Variants in IQANK1 observed in about 807,000 individuals in gnomAD.
IQANK1 encodes IQ motif and ankyrin repeat containing 1.
IQANK1 carries 30 observed loss-of-function variants against 22.6 expected under a neutral mutation model. The observed-to-expected ratio is 1.33, with a 90% CI of 0.99 to 1.80. IQANK1 has a LOEUF of 1.80. Ranked by LOEUF, IQANK1 falls within the 40% of genes most tolerant of loss-of-function variation. IQANK1 has a pLI of 0.00. For synonymous variants in IQANK1, 122 were observed against 99.6 expected, an observed-to-expected ratio of 1.23 and a Z score of -1.34; for missense variants, 275 against 235.2, an observed-to-expected ratio of 1.17 and a Z score of -1.11.
rs1554626222 is a variant in IQANK1 at position 143,739,915 on chromosome 8, C to A, written c.142C>A (p.Pro48Thr). The part of the protein sequence containing the change: ...QRKAGWQARE[P>T]ASAESPQAPT... The stretch of plus-strand genomic sequence containing the variant: ...GAAAGCGGGCTGGCAGGCGAGGGAG[C>A]CCGCGTCGGCTGAGAGCCCACAGGC... Residue 48 changes from proline to threonine, a missense_variant, in exon 3 of 14, where the codon CCC becomes ACC. Physicochemically the swap from Pro to Thr is conservative, Grantham distance 38 (BLOSUM62 -1). Coordinates refer to ENST00000527139, the MANE Select transcript of IQANK1 (RefSeq NM_001381874.1). The A allele has an allele frequency of 1.4e-6, 1 of 699,356 alleles. No individual in the cohort carries two copies. Among genetic ancestry groups the A allele is most frequent in the Admixed American group, 2.0e-5 (1 of 49,688 alleles). The allele number at this position is 699,356 out of a possible 1,614,324, so 43.3% of individuals were successfully genotyped here. A position where few individuals can be genotyped will look rare whatever the true frequency, so the allele number is the denominator to read the frequency against.
At chr8:143,785,725 ATTTTTTT>A (rs56864621) in intron 7 of IQANK1, among the ~76,000 whole-genome samples, 59 of 133,262 alleles carry the variant, frequency 4.4e-4, no homozygotes, top group Non-Finnish European at 7.6e-4. Flanking sequence ...ATGCCCAGCT[ATTTTTTT>A]TTTTTTTTCT....
chr8:143,751,664 G>A (rs56034531), intron 3 of IQANK1, among the ~76,000 whole-genome samples: 33,667 of 61,206 alleles, frequency 0.55, 10,716 homozygotes, highest in African/African-American at 0.69. Context: ...GTGTGTGTGT[G>A]TATATATATA....
intron 7 of IQANK1, among the ~76,000 whole-genome samples, chr8:143,786,668 A>C (rs782783629): frequency 6.6e-6 from 1 of 152,228 alleles, no homozygotes; most frequent in African/African-American, 2.4e-5. Flanking sequence ...GAACAAAACA[A>C]AGTCCCTTCT....
At chr8:143,789,562 C>T (rs941270895) in intron 10 of IQANK1, 34 bp downstream of exon 10, 52 of 1,231,910 alleles carry the variant, frequency 4.2e-5, no homozygotes, top group East Asian at 6.3e-5. Context: ...TATGCCCCTG[C>T]GTCCTCAACA....
At chr8:143,783,988 C>G (rs551570136) in intron 7 of IQANK1, among the ~76,000 whole-genome samples, 1 of 152,156 alleles carries the variant, frequency 6.6e-6, no homozygotes, top group Non-Finnish European at 1.5e-5. Context: ...TATAACAAGT[C>G]TTGTACCAGA....
intron 7 of IQANK1, among the ~76,000 whole-genome samples, chr8:143,785,929 G>A (rs547246097): frequency 2.0e-5 from 3 of 152,150 alleles, no homozygotes; most frequent in Admixed American, 6.5e-5. Flanking sequence ...GTTTCACCAC[G>A]TTGGCCAGGC....
chr8:143,751,660 G>GTATATA lies in IQANK1; in HGVS notation c.175+11713_175+11714insATATAT, dbSNP rs1440239363. ...TGTGTGTGTGTGTGTGTGTGTGTGT[G>GTATATA]TGTGTATATATATATATAAAATCCT... On this transcript the variant is annotated intron_variant, in intron 3 of 13. Coordinates refer to ENST00000527139, the MANE Select transcript of IQANK1 (RefSeq NM_001381874.1). Among the ~76,000 whole-genome samples the GTATATA allele has an allele frequency of 7.7e-3, 339 of 44,022 alleles. 4 individuals are homozygous for GTATATA. Among genetic ancestry groups the GTATATA allele is most frequent in the African/African-American group, 0.016 (328 of 21,010 alleles). 28.9% of individuals were successfully genotyped at this position (44,022 alleles called of 152,430 possible). A position where few individuals can be genotyped will look rare whatever the true frequency, so the allele number is the denominator to read the frequency against.
chr8:143,770,256 C>T lies in IQANK1; in HGVS notation c.176-1232C>T, dbSNP rs557229025. Among the ~76,000 whole-genome samples the T allele has an allele frequency of 2.0e-5, 3 of 152,244 alleles. No homozygotes were observed. The South Asian group carries it at 6.2e-4, about 32-fold the overall frequency. On this transcript the variant is annotated intron_variant, in intron 3 of 13. Transcript: ENST00000527139. ...ATGCCCTTTGTTTTCTGGGATTTTT[C>T]CCCCTTTTGTCTTAAGATTCATTTC...
At chr8:143,764,331 C>G (rs1819448078) in intron 3 of IQANK1, among the ~76,000 whole-genome samples, 1 of 151,926 alleles carries the variant, frequency 6.6e-6, no homozygotes, top group Admixed American at 6.6e-5. Context: ...AACAAACGTG[C>G]AGACCAGGCG....
At chr8:143,777,074 C>T (rs562082496) in intron 7 of IQANK1, among the ~76,000 whole-genome samples, 15 of 151,982 alleles carry the variant, frequency 9.9e-5, no homozygotes, top group Admixed American at 8.5e-4. Context: ...TGAAGTGAGA[C>T]GTGATTGTGC....
At position 143,740,069 on chromosome 8, in the gene IQANK1, T is replaced by C. The variant is rs1329476227; in HGVS notation, c.175+121T>C. Reference sequence around the variant, plus strand: ...CTTGCGTGTCATGTACACATGTGCTTGTGCGCGCACGTGTGGGAGTGCGCG... The same window carrying C: ...CTTGCGTGTCATGTACACATGTGCTCGTGCGCGCACGTGTGGGAGTGCGCG... On this transcript the variant is annotated intron_variant, in intron 3 of 13. Transcript: ENST00000527139. 3 of 542,354 alleles carry C rather than the reference T, an allele frequency of 5.5e-6. No individual in the cohort carries two copies. In the East Asian group the frequency reaches 9.8e-5, roughly 18 times the overall value. 33.6% of individuals were successfully genotyped at this position (542,354 alleles called of 1,614,324 possible).
intron 7 of IQANK1, among the ~76,000 whole-genome samples, chr8:143,779,746 G>T (rs954559727): frequency 3.3e-5 from 5 of 152,136 alleles, no homozygotes; most frequent in Non-Finnish European, 7.3e-5. Context: ...TTCAGAAATG[G>T]GACTAATAAC....
intron 3 of IQANK1, among the ~76,000 whole-genome samples, chr8:143,749,662 C>A (rs1819150862): frequency 7.0e-6 from 1 of 143,884 alleles, no homozygotes. Flanking sequence ...GTGGCATGAT[C>A]TCGGCTCACT....
At chr8:143,751,634 G>A (rs1461913639) in intron 3 of IQANK1, among the ~76,000 whole-genome samples, 3 of 29,962 alleles carry the variant, frequency 1.0e-4, no homozygotes, top group Admixed American at 4.7e-4. Context: ...AAGTGTGTGT[G>A]TGTGTGTGTG....
Position 143,790,060 on chromosome 8 carries a change from G to T in IQANK1, c.1285G>T (p.Gly429Cys). The stretch of plus-strand genomic sequence containing the variant: ...TGTAGGCAACCGCATCCGTGCCGAT[G>T]GCCGGTCAGTTCTCCGGGCCAGACG... ...KDVGNRIRAD[G>C]RWPLVIDPLG... is the part of the protein sequence containing the mutation. The change falls in exon 12 of 14, where the codon GGC becomes TGC. Residue 429 changes from glycine (G) to cysteine (C), a missense_variant. Coordinates refer to ENST00000527139, the MANE Select transcript of IQANK1 (RefSeq NM_001381874.1). 8.1e-7 allele frequency: 1 copy of T among 1,232,126 alleles called. No individual in the cohort carries two copies. The highest frequency in any genetic ancestry group is 4.1e-5 in the South Asian group (1 of 24,322). The allele number at this position is 1,232,126 out of a possible 1,614,324, so 76.3% of individuals were successfully genotyped here. A position where few individuals can be genotyped will look rare whatever the true frequency, so the allele number is the denominator to read the frequency against.
intron 3 of IQANK1, among the ~76,000 whole-genome samples, chr8:143,754,878 G>A (rs565757573): frequency 1.4e-3 from 218 of 152,172 alleles, no homozygotes; most frequent in African/African-American, 5.1e-3. Context: ...CGCCCACCTC[G>A]GCCTCCCAAA....
chr8:143,743,118 C>A, intron 3 of IQANK1: 1 of 438,142 alleles, frequency 2.3e-6, no homozygotes. Context: ...CGGGCACGGC[C>A]TTGCCAGGCT....
At chr8:143,749,381 ATG>A (rs1240690877) in intron 3 of IQANK1, among the ~76,000 whole-genome samples, 1 of 131,970 alleles carries the variant, frequency 7.6e-6, no homozygotes, top group Non-Finnish European at 1.5e-5. Flanking sequence ...ATATATAAAT[ATG>A]TGAATATATA....
chr8:143,744,899 A>G (rs981333377), intron 3 of IQANK1: 2 of 152,390 alleles, frequency 1.3e-5, no homozygotes, highest in African/African-American at 4.8e-5. Context: ...GACTTGGGCC[A>G]CAGTGCCTTC....
Sources: allele counts gnomAD v4.1 joint callset (sites outside exome capture counted in the v4.1 genomes callset), GRCh38; gene constraint gnomAD v4.1.1; transcripts MANE v1.5; gene names NCBI Gene and HGNC (gene_info 2026-07-23, HGNC 2026-07-21).